The following EXOC6B variants were observed in gnomAD, a reference collection of about 807,000 sequenced individuals.
The protein encoded by EXOC6B is exocyst complex component 6B, also known as SEC15 homolog B.
A neutral mutation model predicts 113.5 loss-of-function variants in EXOC6B; 54 were observed. That is an observed-to-expected ratio of 0.48 (90% CI 0.38 to 0.60). The LOEUF (loss-of-function observed/expected upper bound fraction) is 0.60. Among genes scored for constraint, EXOC6B ranks in the 20% least tolerant of loss-of-function variants. The pLI is 0.00. For synonymous variants in EXOC6B, 357 were observed against 339.0 expected (o/e 1.05, Z -0.58); for missense variants, 797 against 977.5 (o/e 0.82, Z 2.46).
At chr2:72,698,513 T>C (rs1678055188) in intron 6 of EXOC6B, among the ~76,000 whole-genome samples, 1 of 151,958 alleles carries the variant, frequency 6.6e-6, no homozygotes, top group African/African-American at 2.4e-5. Flanking sequence ...CATACTATAT[T>C]ATCTCTAACT....
intron 20 of EXOC6B, among the ~76,000 whole-genome samples, chr2:72,220,289 G>C (rs539485652): frequency 1.3e-5 from 2 of 152,158 alleles, no homozygotes; most frequent in African/African-American, 2.4e-5. Context: ...CCTGCTACTT[G>C]CAAGTCCTAT....
chr2:72,544,197 A>G (rs1277458696), intron 8 of EXOC6B, among the ~76,000 whole-genome samples: 5 of 152,228 alleles, frequency 3.3e-5, no homozygotes, highest in South Asian at 2.1e-4. Context: ...CTGAAACATT[A>G]AACAGTCACC....
At chr2:72,564,095 G>T (rs1018534293) in intron 7 of EXOC6B, among the ~76,000 whole-genome samples, 3 of 152,112 alleles carry the variant, frequency 2.0e-5, no homozygotes, top group Non-Finnish European at 4.4e-5. Flanking sequence ...TAGAAAAGGG[G>T]AATACACTAT....
intron 20 of EXOC6B, chr2:72,263,535 T>A (rs1485289951): frequency 1.3e-5 from 2 of 152,064 alleles, no homozygotes; most frequent in East Asian, 3.8e-4. Context: ...ACAAGCCAAA[T>A]AACAAATAGA....
chr2:72,481,933 C>G (rs983957695), intron 16 of EXOC6B, among the ~76,000 whole-genome samples: 1 of 152,102 alleles, frequency 6.6e-6, no homozygotes, highest in Non-Finnish European at 1.5e-5. Context: ...ATTCATTTTC[C>G]TACACTGTTT....
rs766214952 is a variant in EXOC6B at position 72,321,533 on chromosome 2, CA to C, written c.2196+13413del. 7.7e-3 allele frequency among the ~76,000 whole-genome samples: 470 copies of C among 61,156 alleles called. 1 individual carries two copies. Among genetic ancestry groups the C allele is most frequent in the East Asian group, 0.039 (67 of 1,712 alleles). 40.1% of individuals were successfully genotyped at this position (61,156 alleles called of 152,430 possible). A position where few individuals can be genotyped will look rare whatever the true frequency, so the allele number is the denominator to read the frequency against. On this transcript the variant is annotated intron_variant, in intron 20 of 21. Transcript: ENST00000272427. ...TGGGAGACAGAGAGAGACTCCGTCT[CA>C]AAAAAAAAAAAAAAAAAAATGGAGT... is the stretch of plus-strand genomic sequence containing the variant.
chr2:72,392,189 G>C lies in EXOC6B; in HGVS notation c.1981-12319C>G, dbSNP rs190544034. ...GGCATGGATACACAAGAGATTTTCA[G>C]CTGGGCATGCATTCATCAGCTGGTA... On this transcript the variant is annotated intron_variant, in intron 18 of 21. Transcript: ENST00000272427. Among the ~76,000 whole-genome samples the C allele has an allele frequency of 8.5e-5, 13 of 152,270 alleles. 1 individual carries two copies. The East Asian group carries it at 2.5e-3, about 29-fold the overall frequency.
At chr2:72,625,065 T>G (rs868040688) in intron 6 of EXOC6B, among the ~76,000 whole-genome samples, 1,868 of 124,734 alleles carry the variant, frequency 0.015, 46 homozygotes, top group African/African-American at 0.047. Flanking sequence ...AGTTTTTTTT[T>G]GGGGGGGGGG....
At chr2:72,384,919 T>G (rs567228222) in intron 18 of EXOC6B, among the ~76,000 whole-genome samples, 1 of 152,232 alleles carries the variant, frequency 6.6e-6, no homozygotes, top group South Asian at 2.1e-4. Flanking sequence ...TTAATATTGT[T>G]AAAATGTCCA....
chr2:72,467,739 G>A (rs1034661970), intron 17 of EXOC6B, among the ~76,000 whole-genome samples: 27 of 151,826 alleles, frequency 1.8e-4, no homozygotes, highest in African/African-American at 6.0e-4. Flanking sequence ...CTTGTCAGCT[G>A]TATCGTTTGC....
chr2:72,759,857 CT>C (rs1486947011), intron 1 of EXOC6B, among the ~76,000 whole-genome samples: 3 of 152,168 alleles, frequency 2.0e-5, no homozygotes, highest in Non-Finnish European at 4.4e-5. Flanking sequence ...ATTCAGCCCC[CT>C]AACTGTGTCC....
chr2:72,319,377 A>C (rs1476679758), intron 20 of EXOC6B, among the ~76,000 whole-genome samples: 1 of 152,148 alleles, frequency 6.6e-6, no homozygotes, highest in East Asian at 1.9e-4. Flanking sequence ...CACCTATTTA[A>C]CCTTGTACTG....
At chr2:72,265,183 A>G (rs766562206) in intron 20 of EXOC6B, among the ~76,000 whole-genome samples, 1 of 152,026 alleles carries the variant, frequency 6.6e-6, no homozygotes, top group Non-Finnish European at 1.5e-5. Context: ...AGATGGTCTC[A>G]GATGGAGATG....
intron 5 of EXOC6B, 39 bp downstream of exon 5, chr2:72,730,968 T>A (rs1312703980): frequency 1.4e-6 from 2 of 1,435,840 alleles, no homozygotes; most frequent in Non-Finnish European, 1.9e-6. Flanking sequence ...AACAGAAATT[T>A]TAGATAGTAA....
chr2:72,417,817 C>A (rs974218574), intron 18 of EXOC6B, among the ~76,000 whole-genome samples: 2 of 151,890 alleles, frequency 1.3e-5, no homozygotes, highest in Non-Finnish European at 2.9e-5. Flanking sequence ...ATGTTTATAT[C>A]GCAATATTTA....
chr2:72,319,205 C>T (rs2104821721), intron 20 of EXOC6B, among the ~76,000 whole-genome samples: 1 of 151,820 alleles, frequency 6.6e-6, no homozygotes, highest in Non-Finnish European at 1.5e-5. Context: ...ACTGATGGAC[C>T]ATTTATAATA....
intron 7 of EXOC6B, among the ~76,000 whole-genome samples, chr2:72,574,993 C>G (rs1488829896): frequency 6.6e-6 from 1 of 152,078 alleles, no homozygotes; most frequent in Non-Finnish European, 1.5e-5. Flanking sequence ...TCCCAGTTAC[C>G]CTGTAATCAC....
rs539709831 is a variant in EXOC6B, at chr2:72,452,121, T to C, written c.1980+13039A>G. On this transcript the variant is annotated intron_variant, in intron 18 of 21. Transcript: ENST00000272427. ...CAGTAATATTTTCTTCCTTTTGAAC[T>C]TGGATTATTACCTTTACAGTGCACT... Among the ~76,000 whole-genome samples, 5 of 152,318 alleles carry C rather than the reference T, an allele frequency of 3.3e-5. No homozygotes were observed. The South Asian group carries it at 1.0e-3, about 32-fold the overall frequency.
chr2:72,754,732 G>A lies in EXOC6B; in HGVS notation c.114-13263C>T, dbSNP rs183859418. On this transcript the variant is annotated intron_variant, in intron 1 of 21. Coordinates refer to ENST00000272427, the MANE Select transcript of EXOC6B (RefSeq NM_015189.3). Reference sequence around the variant, plus strand: ...GGGCTTAAGGGACCCTCTAGCCTCCGCCTCCTAAGTAGCTGGGATTACAGG... The same window carrying A: ...GGGCTTAAGGGACCCTCTAGCCTCCACCTCCTAAGTAGCTGGGATTACAGG... 8.7e-4 allele frequency among the ~76,000 whole-genome samples: 131 copies of A among 149,874 alleles called. 2 individuals are homozygous for A. Among genetic ancestry groups the A allele is most frequent in the East Asian group, 7.3e-3 (37 of 5,066 alleles).
Sources: gnomAD v4.1 joint callset for allele counts (sites outside exome capture counted in the v4.1 genomes callset) on GRCh38, gnomAD v4.1.1 for gene constraint, MANE v1.5 for transcripts, NCBI Gene and HGNC (gene_info 2026-07-23, HGNC 2026-07-21) for gene names.